LIN28B: variants seen among roughly 807,000 people sequenced by gnomAD.
The protein encoded by LIN28B is lin-28 RNA binding posttranscriptional regulator B, also known as protein lin-28 homolog B.
Under a neutral mutation model 21.9 loss-of-function variants are expected in LIN28B, and 5 were observed. That is an observed-to-expected ratio of 0.23 (90% CI 0.12 to 0.48). The LOEUF (loss-of-function observed/expected upper bound fraction) is 0.48. Ranked by LOEUF, LIN28B falls within the 20% of genes least tolerant of loss-of-function variation. The pLI is 0.98. For synonymous variants in LIN28B, 109 were observed against 111.3 expected (o/e 0.98, Z 0.13); for missense variants, 245 against 310.5 (o/e 0.79, Z 1.58).
chr6:105,071,530 T>C (rs971896853), intron 3 of LIN28B, among the ~76,000 whole-genome samples: 2 of 152,210 alleles, frequency 1.3e-5, no homozygotes, highest in South Asian at 2.1e-4. Flanking sequence ...GTTGTTAATA[T>C]CTTAGTACCT....
chr6:105,029,069 G>A (rs1220294249), intron 3 of LIN28B, among the ~76,000 whole-genome samples: 3 of 152,258 alleles, frequency 2.0e-5, no homozygotes, highest in African/African-American at 7.2e-5. Context: ...TTAGCAACAC[G>A]GAAGTCATTA....
At chr6:105,008,512 C>T (rs1023441775) in intron 2 of LIN28B, among the ~76,000 whole-genome samples, 16 of 151,804 alleles carry the variant, frequency 1.1e-4, no homozygotes, top group Non-Finnish European at 1.8e-4. Context: ...GGCGTGGTGG[C>T]GGGCGCCTGT....
intron 2 of LIN28B, among the ~76,000 whole-genome samples, chr6:105,002,320 T>C (rs944429865): frequency 7.2e-5 from 11 of 152,074 alleles, no homozygotes; most frequent in African/African-American, 2.7e-4. Context: ...AGAAAATACA[T>C]TTTAAAATAA....
intron 3 of LIN28B, among the ~76,000 whole-genome samples, chr6:105,044,756 G>C (rs1431497162): frequency 6.6e-6 from 1 of 152,138 alleles, no homozygotes; most frequent in Non-Finnish European, 1.5e-5. Flanking sequence ...TTGGTTACAT[G>C]GATGAATTGT....
At chr6:104,945,080 T>A (rs1778141128) in intron 2 of LIN28B, among the ~76,000 whole-genome samples, 1 of 152,146 alleles carries the variant, frequency 6.6e-6, no homozygotes, top group Non-Finnish European at 1.5e-5. Context: ...CATCATTTGT[T>A]CAGACTTTAC....
chr6:104,964,124 T>TA (rs1278334542), intron 2 of LIN28B, among the ~76,000 whole-genome samples: 2 of 152,228 alleles, frequency 1.3e-5, no homozygotes, highest in African/African-American at 2.4e-5. Context: ...TACAGATAGT[T>TA]ATGTCTATTT....
At chr6:105,007,527 A>C (rs1042286052) in intron 2 of LIN28B, among the ~76,000 whole-genome samples, 10 of 151,534 alleles carry the variant, frequency 6.6e-5, no homozygotes, top group African/African-American at 2.2e-4. Context: ...TTTTAAATAT[A>C]TCTCTTTTTT....
At chr6:104,959,577 A>G (rs1368271309) in intron 2 of LIN28B, among the ~76,000 whole-genome samples, 1 of 152,198 alleles carries the variant, frequency 6.6e-6, no homozygotes, top group East Asian at 1.9e-4. Context: ...CCTGGCCATC[A>G]TTATTGGCTG....
intron 3 of LIN28B, among the ~76,000 whole-genome samples, chr6:105,047,582 G>A (rs1771797348): frequency 6.6e-6 from 1 of 152,110 alleles, no homozygotes; most frequent in Non-Finnish European, 1.5e-5. Context: ...GATGGGGATG[G>A]CATTGAATCT....
chr6:104,957,132 A>G lies in LIN28B; in HGVS notation c.-119A>G. 6.2e-7 allele frequency: 1 copy of G among 1,609,998 alleles called. No individual in the cohort carries two copies. The highest frequency in any genetic ancestry group is 8.5e-7 in the Non-Finnish European group (1 of 1,178,018). The stretch of plus-strand genomic sequence containing the variant: ...CAAAAGAAGGAAAGCACATTAGACC[A>G]TGCGAGCTAAATTTGTGATCGCACA... On this transcript the variant is annotated 5_prime_UTR_variant, in exon 1 of 4. It removes an upstream start codon present in the reference 5' UTR. Transcript: ENST00000345080.
At chr6:105,059,588 C>CA (rs573424486) in intron 3 of LIN28B, among the ~76,000 whole-genome samples, 59 of 152,164 alleles carry the variant, frequency 3.9e-4, no homozygotes, top group Admixed American at 7.9e-4. Flanking sequence ...TAAGATTTGA[C>CA]AAAAAATTGA....
chr6:104,992,512 G>GTTTT (rs771013451), intron 2 of LIN28B, among the ~76,000 whole-genome samples: 3 of 113,534 alleles, frequency 2.6e-5, no homozygotes, highest in East Asian at 3.1e-4. Flanking sequence ...GTGTGTGTGT[G>GTTTT]TGTTTTTTTT....
At chr6:104,960,238 T>C (rs1478145373) in intron 2 of LIN28B, among the ~76,000 whole-genome samples, 1 of 152,086 alleles carries the variant, frequency 6.6e-6, no homozygotes, top group Non-Finnish European at 1.5e-5. Context: ...AAATTGTATA[T>C]AAATTGTATG....
At chr6:105,046,936 G>T (rs955442002) in intron 3 of LIN28B, among the ~76,000 whole-genome samples, 4 of 152,094 alleles carry the variant, frequency 2.6e-5, no homozygotes, top group African/African-American at 9.7e-5. Context: ...CAGATGAGTA[G>T]ATTGCAAAAA....
chr6:104,991,636 C>T (rs530964319), intron 2 of LIN28B, among the ~76,000 whole-genome samples: 122 of 152,088 alleles, frequency 8.0e-4, no homozygotes, highest in Non-Finnish European at 1.6e-3. Context: ...GCTGCAATCT[C>T]GGCACTTTGG....
chr6:104,969,073 A>C (rs897180378), intron 2 of LIN28B, among the ~76,000 whole-genome samples: 1 of 152,186 alleles, frequency 6.6e-6, no homozygotes, highest in African/African-American at 2.4e-5. Flanking sequence ...AACACAGCTC[A>C]GTGTAAGCCA....
intron 3 of LIN28B, among the ~76,000 whole-genome samples, chr6:105,058,631 G>T (rs969389793): frequency 2.0e-5 from 3 of 152,198 alleles, no homozygotes; most frequent in African/African-American, 7.2e-5. Flanking sequence ...CAGCAAAGCA[G>T]TTCAAAGGAT....
chr6:104,978,308 G>T (rs1419849946), intron 2 of LIN28B, among the ~76,000 whole-genome samples: 3 of 152,138 alleles, frequency 2.0e-5, no homozygotes, highest in African/African-American at 7.2e-5. Flanking sequence ...CATTGAACTG[G>T]ATGTTTAATA....
At chr6:105,069,111 A>G (rs1485066692) in intron 3 of LIN28B, among the ~76,000 whole-genome samples, 1 of 152,118 alleles carries the variant, frequency 6.6e-6, no homozygotes. Flanking sequence ...CCAGCTACAC[A>G]GGAAGCTGAG....
Sources: allele counts gnomAD v4.1 joint callset (sites outside exome capture counted in the v4.1 genomes callset), GRCh38; gene constraint gnomAD v4.1.1; transcripts MANE v1.5; gene names NCBI Gene and HGNC (gene_info 2026-07-23, HGNC 2026-07-21).